The following RUBCNL variants were observed in gnomAD, a reference collection of about 807,000 sequenced individuals.
RUBCNL encodes protein associated with UVRAG as autophagy enhancer.
RUBCNL carries 62 observed loss-of-function variants against 69.5 expected under a neutral mutation model. That is an observed-to-expected ratio of 0.89 (90% confidence interval 0.73 to 1.10). The LOEUF (loss-of-function observed/expected upper bound fraction) is 1.10. RUBCNL is among the 50% of genes least tolerant of loss of function. The pLI, the probability that RUBCNL is intolerant of heterozygous loss-of-function variation, is 0.00. For missense variants in RUBCNL, 768 were observed against 798.1 expected (o/e 0.96, Z 0.45); for synonymous variants, 291 against 303.6 (o/e 0.96, Z 0.43).
chr13:46,357,019 G>A (rs1441936614), intron 9 of RUBCNL, among the ~76,000 whole-genome samples: 4 of 148,696 alleles, frequency 2.7e-5, no homozygotes, highest in Admixed American at 1.3e-4. Flanking sequence ...ATGAGCCGCC[G>A]TGCCCAGCCT....
At chr13:46,345,387 G>GA (rs1385719866) in intron 13 of RUBCNL, 60 bp downstream of exon 13, 1 of 1,522,318 alleles carries the variant, frequency 6.6e-7, no homozygotes, top group African/African-American at 1.4e-5. Context: ...AGTCAAGTGC[G>GA]GAACACCCAG....
intron 3 of RUBCNL, among the ~76,000 whole-genome samples, chr13:46,369,741 C>G (rs1001150010): frequency 9.8e-5 from 15 of 152,324 alleles, no homozygotes; most frequent in African/African-American, 2.9e-4. Context: ...GCAAAAATTT[C>G]TGTGTCAAGA....
At chr13:46,349,494 C>A (rs773481633) in intron 11 of RUBCNL, 147 bp from the exon 12 acceptor site, 87 of 721,754 alleles carry the variant, frequency 1.2e-4, no homozygotes, top group Non-Finnish European at 1.9e-4. Flanking sequence ...ATACAGCAAG[C>A]CTTCACAACT....
chr13:46,382,694 C>T (rs1245878355), intron 1 of RUBCNL, among the ~76,000 whole-genome samples: 2 of 152,058 alleles, frequency 1.3e-5, no homozygotes, highest in Non-Finnish European at 1.5e-5. Context: ...CCACCATGCC[C>T]GGCTAATTTT....
intron 1 of RUBCNL, among the ~76,000 whole-genome samples, chr13:46,384,659 T>A (rs986977002): frequency 6.6e-6 from 1 of 152,236 alleles, no homozygotes; most frequent in Non-Finnish European, 1.5e-5. Flanking sequence ...TGAACAATTT[T>A]TCAACATAAT....
In RUBCNL at chr13:46,368,054, T is replaced by C. The variant is rs749653776; in HGVS notation, c.814A>G (p.Ser272Gly). 2.8e-5 allele frequency: 45 copies of C among 1,613,802 alleles called. No individual in the cohort carries two copies. Among genetic ancestry groups the C allele is most frequent in the Admixed American group, 2.0e-4 (12 of 60,008 alleles). ...TTGCCCAACTTGCCTTCATAGCCACTGTATGAAGAAGTAGAAGACCCAGAC... is the reference window on the plus strand; with the variant it reads ...TTGCCCAACTTGCCTTCATAGCCACCGTATGAAGAAGTAGAAGACCCAGAC... ...QESGSSTSSY[S>G]GYEGCAVLQV... The change falls in exon 5 of 15, where the codon AGT becomes GGT. Residue 272 changes from serine to glycine, a missense_variant. Transcript: ENST00000429979.
intron 12 of RUBCNL, among the ~76,000 whole-genome samples, chr13:46,347,404 C>G (rs2048269858): frequency 6.6e-6 from 1 of 152,066 alleles, no homozygotes; most frequent in African/African-American, 2.4e-5. Flanking sequence ...TAGACTCTGT[C>G]TTAAAACAAA....
intron 12 of RUBCNL, among the ~76,000 whole-genome samples, chr13:46,346,751 T>A (rs898342438): frequency 7.1e-6 from 1 of 140,764 alleles, no homozygotes; most frequent in African/African-American, 2.6e-5. Flanking sequence ...CATTAAAGAT[T>A]AGAGACTGAA....
intron 13 of RUBCNL, 75 bp from the exon 14 acceptor site, chr13:46,344,906 A>G: frequency 1.1e-6 from 1 of 934,972 alleles, no homozygotes; most frequent in Non-Finnish European, 1.7e-6. Context: ...ACAGAACTTT[A>G]TAAACATCAG....
chr13:46,344,403 A>T (rs2048198940), intron 14 of RUBCNL, among the ~76,000 whole-genome samples: 2 of 152,224 alleles, frequency 1.3e-5, no homozygotes, highest in Admixed American at 1.3e-4. Context: ...TCCGTGGCAC[A>T]AAAGCAGCCA....
At chr13:46,387,024 T>C (rs2049263719) in intron 1 of RUBCNL, 110 bp downstream of exon 1, 6 of 911,284 alleles carry the variant, frequency 6.6e-6, no homozygotes, top group Non-Finnish European at 7.9e-6. Flanking sequence ...CAAACCTCTC[T>C]GGCGCCACTT....
rs2048134956 is a variant in RUBCNL, at chr13:46,340,633, G to C, written c.*2752C>G. Among the ~76,000 whole-genome samples, 1 of 152,170 alleles carries C rather than the reference G, an allele frequency of 6.6e-6. No individual in the cohort carries two copies. Among genetic ancestry groups the C allele is most frequent in the South Asian group, 2.1e-4 (1 of 4,826 alleles). On this transcript the variant is annotated 3_prime_UTR_variant, in exon 15 of 15. Coordinates refer to ENST00000429979, the MANE Select transcript of RUBCNL (RefSeq NM_025113.5). ...GTTAATTTGGCTTATGGTTCTGCGGGCTGTACAAGCATCGCACCAATATCT... is the reference window on the plus strand; with the variant it reads ...GTTAATTTGGCTTATGGTTCTGCGGCCTGTACAAGCATCGCACCAATATCT...
At chr13:46,347,936 T>G (rs931943664) in intron 12 of RUBCNL, among the ~76,000 whole-genome samples, 2 of 151,778 alleles carry the variant, frequency 1.3e-5, no homozygotes, top group African/African-American at 2.4e-5. Flanking sequence ...GAGCTTGCAG[T>G]GAGCCGAGAT....
intron 9 of RUBCNL, among the ~76,000 whole-genome samples, chr13:46,356,892 C>CT (rs767789330): frequency 0.013 from 1,774 of 135,030 alleles, 22 homozygotes; most frequent in African/African-American, 0.034. Flanking sequence ...GCTTTATTTA[C>CT]TTTTTTTTTT....
Position 46,348,962 on chromosome 13 carries a change from T to C in RUBCNL, c.1631+324A>G, listed in dbSNP as rs545064361. Among the ~76,000 whole-genome samples the C allele has an allele frequency of 5.3e-5, 8 of 152,316 alleles. No homozygotes were observed. In the East Asian group the frequency reaches 7.7e-4, roughly 15 times the overall value. ...AATGCTCTCTCTTTGCCTGCCACCATGTAAGACGTGCTTTTGCTCCTTGTT... is the reference window on the plus strand; with the variant it reads ...AATGCTCTCTCTTTGCCTGCCACCACGTAAGACGTGCTTTTGCTCCTTGTT... On this transcript the variant is annotated intron_variant, in intron 12 of 14. Transcript: ENST00000429979.
Position 46,352,197 on chromosome 13 carries a change from CA to C in RUBCNL, c.1331-1847del, listed in dbSNP as rs559686739. ...AAATGTGTCTAATAAAATACATTAA[CA>C]AACAAAAGGTATAAAAACTAATGCA... On this transcript the variant is annotated intron_variant, in intron 10 of 14. Transcript: ENST00000429979. 2.7e-3 allele frequency among the ~76,000 whole-genome samples: 415 copies of C among 152,286 alleles called. 1 individual carries two copies. The highest frequency in any genetic ancestry group is 9.3e-3 in the African/African-American group (385 of 41,546).
chr13:46,388,650 A>G (rs1189347723), upstream of RUBCNL, among the ~76,000 whole-genome samples: 2 of 152,162 alleles, frequency 1.3e-5, no homozygotes, highest in Non-Finnish European at 2.9e-5. Context: ...CTGCACTGGT[A>G]ATGACACGTA....
intron 10 of RUBCNL, among the ~76,000 whole-genome samples, chr13:46,355,117 G>A (rs1177026447): frequency 6.6e-6 from 1 of 152,128 alleles, no homozygotes; most frequent in Non-Finnish European, 1.5e-5. Flanking sequence ...CTTGAAGTAG[G>A]AGCTCCTCAT....
chr13:46,350,071 G>GACACTTCC (rs1302301532), intron 11 of RUBCNL, 42 bp downstream of exon 11: 17 of 1,422,248 alleles, frequency 1.2e-5, no homozygotes, highest in Non-Finnish European at 1.4e-5. Context: ...CCTGCCACAG[G>GACACTTCC]ACACTTCCAA....
Sources: allele counts gnomAD v4.1 joint callset (sites outside exome capture counted in the v4.1 genomes callset), GRCh38; gene constraint gnomAD v4.1.1; transcripts MANE v1.5; gene names NCBI Gene and HGNC (gene_info 2026-07-23, HGNC 2026-07-21).